The following TRIM5 variants were observed in gnomAD, a reference collection of about 807,000 sequenced individuals.
TRIM5 encodes the protein tripartite motif-containing protein 5.
TRIM5 carries 31 observed loss-of-function variants against 35.6 expected under a neutral mutation model. The observed-to-expected ratio is 0.87, with a 90% confidence interval of 0.65 to 1.18. The LOEUF (loss-of-function observed/expected upper bound fraction) is 1.18, where lower values mean the gene tolerates loss of function less well. TRIM5 is among the 50% of genes most tolerant of loss of function. TRIM5 has a pLI of 0.00. For missense variants in TRIM5, 609 were observed against 591.6 expected (o/e 1.03, Z -0.31); for synonymous variants, 243 against 215.6 (o/e 1.13, Z -1.11).
chr11:5,643,725 C>G, the TRIM5 span: 1 of 1,561,498 alleles, frequency 6.4e-7, no homozygotes, highest in Non-Finnish European at 8.6e-7. Flanking sequence ...CTCATTTCTT[C>G]ACCTACAACC....
Position 5,664,196 on chromosome 11 carries a change from CA to C in TRIM5, c.*612del. The C allele has an allele frequency of 1.5e-6, 1 of 661,560 alleles. No individual in the cohort carries two copies. The highest frequency in any genetic ancestry group is 6.5e-5 in the South Asian group (1 of 15,486). 41.0% of individuals were successfully genotyped at this position (661,560 alleles called of 1,614,324 possible). On this transcript the variant is annotated 3_prime_UTR_variant, in exon 8 of 8. Coordinates refer to ENST00000380034, the MANE Select transcript of TRIM5 (RefSeq NM_033034.3). ...AGCCTGGGGAACAAGAGCAAAACTT[CA>C]TCTCAAAAAAAAAAAAAAAGAAAAA... is the stretch of plus-strand genomic sequence containing the variant.
At chr11:5,632,237 C>T in the TRIM5 span, 2 of 1,577,946 alleles carry the variant, frequency 1.3e-6, no homozygotes, top group Non-Finnish European at 1.7e-6. Context: ...TTATACCATC[C>T]CCTTTCAATC....
At chr11:5,626,125 T>C in the TRIM5 span, among the ~76,000 whole-genome samples, 2 of 152,248 alleles carry the variant, frequency 1.3e-5, no homozygotes, top group South Asian at 2.1e-4. Context: ...GTAGAATCCA[T>C]GTCTGCCTAC....
At chr11:5,605,320 C>T in the TRIM5 span, 14 of 1,613,714 alleles carry the variant, frequency 8.7e-6, no homozygotes, top group Non-Finnish European at 1.2e-5. Flanking sequence ...GCCTCTTTTT[C>T]TTCCCTGTTC....
chr11:5,643,107 T>TCATATA, the TRIM5 span: 2 of 856,258 alleles, frequency 2.3e-6, no homozygotes, highest in African/African-American at 5.0e-5. Flanking sequence ...ATGATTATAT[T>TCATATA]CATATACATA....
chr11:5,676,528 T>G (rs371779607), intron 4 of TRIM5, among the ~76,000 whole-genome samples: 12,860 of 151,376 alleles, frequency 0.085, 600 homozygotes, highest in Non-Finnish European at 0.093. Context: ...ATGGCCATAC[T>G]GCCCAAGGTA....
intron 4 of TRIM5, among the ~76,000 whole-genome samples, chr11:5,673,953 C>T: frequency 6.6e-6 from 1 of 151,532 alleles, no homozygotes; most frequent in East Asian, 1.9e-4. Context: ...AAAGATTTCA[C>T]AGCATCTAAG....
chr11:5,611,277 CTT>C, the TRIM5 span: 52 of 1,614,026 alleles, frequency 3.2e-5, no homozygotes, highest in Admixed American at 5.0e-5. Flanking sequence ...TCCCACTACT[CTT>C]TGTCCATATT....
chr11:5,605,287 A>T, the TRIM5 span: 26 of 1,610,990 alleles, frequency 1.6e-5, no homozygotes, highest in Non-Finnish European at 2.0e-5. Flanking sequence ...AATAGAGGAG[A>T]CCCTCAGTGT....
the TRIM5 span, chr11:5,603,542 T>A: frequency 1.9e-6 from 3 of 1,613,960 alleles, no homozygotes; most frequent in Non-Finnish European, 2.5e-6. Flanking sequence ...CTGGCCAACA[T>A]AGTGAGGCGG....
chr11:5,642,079 G>A, the TRIM5 span, among the ~76,000 whole-genome samples: 3 of 152,064 alleles, frequency 2.0e-5, 1 homozygote, highest in South Asian at 6.2e-4. Context: ...ATTTCTACAG[G>A]TAGCAAAGTC....
At chr11:5,621,548 A>G in the TRIM5 span, among the ~76,000 whole-genome samples, 124 of 152,380 alleles carry the variant, frequency 8.1e-4, no homozygotes, top group Non-Finnish European at 1.5e-3. Flanking sequence ...GTGAGGCACC[A>G]GAAGAATGCC....
chr11:5,663,233 C>G lies in TRIM5; in HGVS notation c.*1576G>C. On this transcript the variant is annotated 3_prime_UTR_variant, in exon 8 of 8. Coordinates refer to ENST00000380034, the MANE Select transcript of TRIM5 (RefSeq NM_033034.3). ...GAAGCTATTCAAAAAACTCGTTTAA[C>G]TTTTAAAAAACTACATCAGCTAATT... 1 of 949,628 alleles carries G rather than the reference C, an allele frequency of 1.1e-6. No homozygotes were observed. Among genetic ancestry groups the G allele is most frequent in the Non-Finnish European group, 1.3e-6 (1 of 797,368 alleles). The allele number at this position is 949,628 out of a possible 1,614,324, so 58.8% of individuals were successfully genotyped here.
chr11:5,640,778 G>A, the TRIM5 span, among the ~76,000 whole-genome samples: 6,149 of 152,040 alleles, frequency 0.04, 397 homozygotes, highest in African/African-American at 0.14. Flanking sequence ...TCTGGGTGAG[G>A]CCTTTTCTCT....
At chr11:5,596,735 C>A in the TRIM5 span, 1 of 1,097,126 alleles carries the variant, frequency 9.1e-7, no homozygotes, top group Non-Finnish European at 1.3e-6. Context: ...CTGCCTTTCT[C>A]GGAACGGAAC....
the TRIM5 span, among the ~76,000 whole-genome samples, chr11:5,647,254 C>T: frequency 1.3e-4 from 20 of 152,228 alleles, no homozygotes; most frequent in South Asian, 1.2e-3. Flanking sequence ...TTTAGAAAAG[C>T]TCTATATTGT....
At chr11:5,649,485 C>T in the TRIM5 span, among the ~76,000 whole-genome samples, 1 of 152,086 alleles carries the variant, frequency 6.6e-6, no homozygotes, top group Non-Finnish European at 1.5e-5. Context: ...TTTTCTTAAC[C>T]TACATTGTGG....
chr11:5,605,324 C>G, the TRIM5 span: 1 of 1,613,862 alleles, frequency 6.2e-7, no homozygotes, highest in Admixed American at 1.7e-5. Flanking sequence ...CTTTTTCTTC[C>G]CTGTTCCTGA....
the TRIM5 span, chr11:5,643,454 T>C: frequency 1.2e-6 from 2 of 1,614,126 alleles, no homozygotes; most frequent in Admixed American, 3.3e-5. Context: ...GGTTACAGAA[T>C]AAATGTAAGT....
Sources: allele counts gnomAD v4.1 joint callset (sites outside exome capture counted in the v4.1 genomes callset), GRCh38; gene constraint gnomAD v4.1.1; transcripts MANE v1.5; gene names NCBI Gene and HGNC (gene_info 2026-07-23, HGNC 2026-07-21).